BRINP3: variants seen among roughly 807,000 people sequenced by gnomAD.
BRINP3 encodes BMP/retinoic acid-inducible neural-specific protein 3.
Under a neutral mutation model 71.0 loss-of-function variants are expected in BRINP3, and 19 were observed. That is an observed-to-expected ratio of 0.27 (90% CI 0.19 to 0.39). The LOEUF (loss-of-function observed/expected upper bound fraction) is 0.39, where lower values mean the gene tolerates loss of function less well. Among genes scored for constraint, BRINP3 ranks in the 10% least tolerant of loss-of-function variants. BRINP3 has a pLI of 1.00. For missense variants in BRINP3, 959 were observed against 940.8 expected (o/e 1.02, Z -0.25); for synonymous variants, 380 against 337.7 (o/e 1.13, Z -1.37).
intron 6 of BRINP3, among the ~76,000 whole-genome samples, chr1:190,176,155 C>T (rs1199194025): frequency 1.3e-5 from 2 of 152,092 alleles, no homozygotes; most frequent in Non-Finnish European, 2.9e-5. Flanking sequence ...TCTGTTTCAC[C>T]ATGATGATAT....
At position 190,402,361 on chromosome 1, in the gene BRINP3, T is replaced by C. The variant is rs552914369; in HGVS notation, c.236+52294A>G. Among the ~76,000 whole-genome samples, 209 of 152,284 alleles carry C rather than the reference T, an allele frequency of 1.4e-3. 1 individual carries two copies. Among genetic ancestry groups the C allele is most frequent in the African/African-American group, 4.8e-3 (201 of 41,570 alleles). ...ATATATTCATATATGAACATTAAAA[T>C]ATTAATGGTGTGTAATAACTCCTTA... is the stretch of plus-strand genomic sequence containing the variant. On this transcript the variant is annotated intron_variant, in intron 2 of 7. Coordinates refer to ENST00000367462, the MANE Select transcript of BRINP3 (RefSeq NM_199051.3).
At chr1:190,121,018 G>T (rs977724159) in intron 7 of BRINP3, among the ~76,000 whole-genome samples, 2 of 152,080 alleles carry the variant, frequency 1.3e-5, no homozygotes, top group African/African-American at 4.8e-5. Flanking sequence ...AAACAAGAAA[G>T]ATATCTTTTG....
At chr1:190,375,279 GTATATGTA>G (rs1670111978) in intron 2 of BRINP3, among the ~76,000 whole-genome samples, 1 of 151,662 alleles carries the variant, frequency 6.6e-6, no homozygotes, top group Non-Finnish European at 1.5e-5. Flanking sequence ...ATGTAAATGT[GTATATGTA>G]TACATATAAA....
At chr1:190,399,564 T>C (rs1277411213) in intron 2 of BRINP3, among the ~76,000 whole-genome samples, 2 of 152,018 alleles carry the variant, frequency 1.3e-5, no homozygotes, top group Non-Finnish European at 2.9e-5. Flanking sequence ...TACTCTCCTG[T>C]TCATAGCCAG....
At chr1:190,434,010 T>A (rs990386560) in intron 2 of BRINP3, among the ~76,000 whole-genome samples, 4 of 152,156 alleles carry the variant, frequency 2.6e-5, no homozygotes, top group Non-Finnish European at 5.9e-5. Flanking sequence ...ATATGAGTAG[T>A]AAAGACCACA....
chr1:190,398,090 C>A (rs1344168547), intron 2 of BRINP3, among the ~76,000 whole-genome samples: 1 of 151,906 alleles, frequency 6.6e-6, no homozygotes, highest in African/African-American at 2.4e-5. Flanking sequence ...TAAAAGCACA[C>A]AACCACAACC....
intron 6 of BRINP3, among the ~76,000 whole-genome samples, chr1:190,220,042 T>C (rs1054324600): frequency 2.0e-5 from 3 of 151,822 alleles, no homozygotes; most frequent in Admixed American, 6.6e-5. Context: ...GAAATTTTAG[T>C]CAAATAAATA....
intron 2 of BRINP3, among the ~76,000 whole-genome samples, chr1:190,382,732 A>G (rs1014338970): frequency 1.3e-5 from 2 of 152,190 alleles, no homozygotes; most frequent in African/African-American, 4.8e-5. Flanking sequence ...TTATCATTGT[A>G]TACTTTCTTT....
intron 6 of BRINP3, among the ~76,000 whole-genome samples, chr1:190,165,241 A>T (rs796598796): frequency 3.3e-5 from 5 of 152,162 alleles, no homozygotes; most frequent in African/African-American, 9.6e-5. Context: ...CAATCCAATG[A>T]CTTTAAATCC....
intron 7 of BRINP3, among the ~76,000 whole-genome samples, chr1:190,127,494 T>G (rs970680631): frequency 2.0e-5 from 3 of 151,874 alleles, no homozygotes; most frequent in African/African-American, 7.2e-5. Flanking sequence ...CTTTTCTTCT[T>G]TTTACAGTTC....
chr1:190,143,243 T>C (rs1042090238), intron 7 of BRINP3, among the ~76,000 whole-genome samples: 8 of 152,160 alleles, frequency 5.3e-5, no homozygotes, highest in Admixed American at 2.0e-4. Context: ...AGATTACCTC[T>C]ACCACATGGA....
At chr1:190,278,994 C>A (rs1460411520) in intron 3 of BRINP3, among the ~76,000 whole-genome samples, 1 of 151,638 alleles carries the variant, frequency 6.6e-6, no homozygotes, top group Admixed American at 6.6e-5. Context: ...GTCTATGGAA[C>A]CATTGGTGTT....
chr1:190,098,360 G>T lies in BRINP3; in HGVS notation c.1959C>A (p.Asp653Glu). ...SIYYEPLEFIDPSRNLGYMKI... is the reference protein window; with the variant it reads ...SIYYEPLEFIEPSRNLGYMKI... ...TCATATAGCCCAGGTTCCGGGAAGG[G>T]TCAATAAACTCCAGAGGTTCATAGT... Residue 653 changes from aspartate (D) to glutamate (E), a missense_variant, in exon 8 of 8, where the codon GAC (aspartate) becomes GAA (glutamate). Physicochemically the swap from Asp to Glu is conservative, Grantham distance 45 (BLOSUM62 2). Transcript: ENST00000367462. The T allele has an allele frequency of 6.2e-7, 1 of 1,614,122 alleles. No individual in the cohort carries two copies. The highest frequency in any genetic ancestry group is 8.5e-7 in the Non-Finnish European group (1 of 1,180,022).
At chr1:190,290,755 T>C (rs899934308) in intron 2 of BRINP3, among the ~76,000 whole-genome samples, 1 of 152,116 alleles carries the variant, frequency 6.6e-6, no homozygotes, top group African/African-American at 2.4e-5. Context: ...TAGAAATAAA[T>C]TCTCCGAGGC....
At chr1:190,445,374 T>C (rs145506363) in intron 2 of BRINP3, among the ~76,000 whole-genome samples, 163 of 152,316 alleles carry the variant, frequency 1.1e-3, no homozygotes, top group Non-Finnish European at 1.9e-3. Context: ...ATATTAGGAC[T>C]AATTTATTTA....
intron 2 of BRINP3, among the ~76,000 whole-genome samples, chr1:190,429,844 T>C (rs1054732851): frequency 5.9e-5 from 9 of 152,110 alleles, no homozygotes; most frequent in Admixed American, 4.6e-4. Context: ...CCTGCCCGCC[T>C]TGGCCTCCCA....
chr1:190,412,060 G>A (rs1672702791), intron 2 of BRINP3, among the ~76,000 whole-genome samples: 1 of 151,928 alleles, frequency 6.6e-6, no homozygotes, highest in African/African-American at 2.4e-5. Context: ...GCCTACTTAA[G>A]CCATGAAATC....
chr1:190,297,587 A>T (rs1197906368), intron 2 of BRINP3, among the ~76,000 whole-genome samples: 2 of 152,084 alleles, frequency 1.3e-5, no homozygotes, highest in Non-Finnish European at 2.9e-5. Context: ...TTTCTCATAA[A>T]TAAATGTTGA....
intron 2 of BRINP3, among the ~76,000 whole-genome samples, chr1:190,407,488 C>G (rs1263233059): frequency 6.6e-6 from 1 of 152,058 alleles, no homozygotes; most frequent in Non-Finnish European, 1.5e-5. Context: ...ACTGACACTC[C>G]AACCTCTCTC....
Sources: gnomAD v4.1 joint callset for allele counts (sites outside exome capture counted in the v4.1 genomes callset) on GRCh38, gnomAD v4.1.1 for gene constraint, MANE v1.5 for transcripts, NCBI Gene and HGNC (gene_info 2026-07-23, HGNC 2026-07-21) for gene names.